ARHGAP29: variants seen among roughly 807,000 people sequenced by gnomAD.
The protein encoded by ARHGAP29 is rho GTPase-activating protein 29.
ARHGAP29 carries 43 observed loss-of-function variants against 122.6 expected under a neutral mutation model. The observed-to-expected ratio is 0.35, with a 90% CI of 0.27 to 0.45. The LOEUF (loss-of-function observed/expected upper bound fraction) is 0.45. Among genes scored for constraint, ARHGAP29 ranks in the 20% least tolerant of loss-of-function variants. The pLI is 1.00. For missense variants in ARHGAP29, 1,303 were observed against 1,477.2 expected (o/e 0.88, Z 1.93); for synonymous variants, 506 against 497.1 (o/e 1.02, Z -0.24).
chr1:94,240,132 T>A (rs888030317), upstream of ARHGAP29, among the ~76,000 whole-genome samples: 1 of 152,128 alleles, frequency 6.6e-6, no homozygotes, highest in Non-Finnish European at 1.5e-5. Flanking sequence ...AAACCAGAAC[T>A]ACCCCTAAAC....
chr1:94,211,836 A>G (rs1029246026), intron 3 of ARHGAP29, among the ~76,000 whole-genome samples: 1 of 152,154 alleles, frequency 6.6e-6, no homozygotes. Flanking sequence ...AAATGTGACA[A>G]GTTGGTGTGC....
chr1:94,252,247 G>A (rs1654125062), intron 1 of ARHGAP29, among the ~76,000 whole-genome samples: 1 of 152,144 alleles, frequency 6.6e-6, no homozygotes, highest in Non-Finnish European at 1.5e-5. Context: ...AGTAACTCAA[G>A]AATCTTACAT....
In ARHGAP29 at chr1:94,248,748, G is replaced by A. The variant is rs114370074; in HGVS notation, c.-32-17105C>T. Among the ~76,000 whole-genome samples the A allele has an allele frequency of 9.7e-3, 1,476 of 152,354 alleles. 25 individuals carry two copies. Among genetic ancestry groups the A allele is most frequent in the African/African-American group, 0.034 (1,414 of 41,586 alleles). On this transcript the variant is annotated intron_variant and NMD_transcript_variant, in intron 1 of 25. Coordinates refer to the ARHGAP29 transcript ENST00000552844. ...AGACAGGGCCTTGCTCTGTGCTCAG[G>A]CTGGAGTGCAGTGGCACAGTCATAG...
At chr1:94,177,162 A>G (rs1388054695) in intron 22 of ARHGAP29, 1 of 153,000 alleles carries the variant, frequency 6.5e-6, no homozygotes. Context: ...GGTTAAATGT[A>G]GGCCACAGGT....
upstream of ARHGAP29, chr1:94,237,705 T>A (rs1327336382): frequency 1.0e-6 from 1 of 984,930 alleles, no homozygotes; most frequent in Non-Finnish European, 1.2e-6. Context: ...CCGCGGCAGG[T>A]ACGGGAGGCA....
At chr1:94,274,912 A>G (rs1655126594) in intron 1 of ARHGAP29, 1 of 152,102 alleles carries the variant, frequency 6.6e-6, no homozygotes, top group Admixed American at 6.6e-5. Flanking sequence ...CAAATAAATC[A>G]CCAGTTCGTT....
In ARHGAP29 at chr1:94,179,741, T is replaced by C; in HGVS notation, c.2464A>G (p.Ile822Val). The change falls in exon 20 of 23, where the codon ATA becomes GTA. Residue 822 changes from isoleucine (I) to valine (V), a missense_variant. Physicochemically the swap from Ile to Val is conservative, Grantham distance 29. Transcript: ENST00000260526. The part of the protein sequence containing the change: ...ASNFNSLHFL[I>V]VHLKRVVDHA... ...AATTCTTACCGCTTTAGATGTACTATAAGGAAATGAAGACTGTTAAAATTT... is the reference window on the plus strand; with the variant it reads ...AATTCTTACCGCTTTAGATGTACTACAAGGAAATGAAGACTGTTAAAATTT... 6.2e-7 allele frequency: 1 copy of C among 1,609,026 alleles called. No individual in the cohort carries two copies.
upstream of ARHGAP29, among the ~76,000 whole-genome samples, chr1:94,240,079 G>C (rs12093742): frequency 0.87 from 132,275 of 152,070 alleles, 57,903 homozygotes; most frequent in Non-Finnish European, 0.92. Flanking sequence ...AGGAAGCAAA[G>C]TCTGTCCCTC....
chr1:94,272,914 G>A (rs1655045534), intron 1 of ARHGAP29, among the ~76,000 whole-genome samples: 1 of 152,156 alleles, frequency 6.6e-6, no homozygotes, highest in South Asian at 2.1e-4. Context: ...TGGAGTCGAA[G>A]ATAAAATTCC....
At chr1:94,196,573 T>C (rs997575370) in intron 12 of ARHGAP29, among the ~76,000 whole-genome samples, 5 of 152,178 alleles carry the variant, frequency 3.3e-5, no homozygotes, top group Non-Finnish European at 4.4e-5. Flanking sequence ...TGTTTTTCTT[T>C]TTAAATTTTA....
chr1:94,205,609 AAAGTTAT>A lies in ARHGAP29; in HGVS notation c.559+19_559+25del. 1 of 1,600,012 alleles carries A rather than the reference AAAGTTAT, an allele frequency of 6.2e-7. No individual in the cohort carries two copies. The highest frequency in any genetic ancestry group is 8.5e-7 in the Non-Finnish European group (1 of 1,173,974). ...GAAAGTAACTACAAGAAGTTTGTGAAAAGTTATAAACACCTTGAGCATTACCTTTTTC... is the reference window on the plus strand; with the variant it reads ...GAAAGTAACTACAAGAAGTTTGTGAAAAACACCTTGAGCATTACCTTTTTC... On this transcript the variant is annotated intron_variant, in intron 6 of 22. Transcript: ENST00000260526.
chr1:94,190,803 T>C (rs1557848232), intron 12 of ARHGAP29: 1 of 152,064 alleles, frequency 6.6e-6, no homozygotes. Flanking sequence ...CTCCTGAGGG[T>C]GGTACGCGAG....
intron 22 of ARHGAP29, 135 bp from the exon 23 acceptor site, chr1:94,174,884 A>G: frequency 1.0e-6 from 1 of 992,510 alleles, no homozygotes; most frequent in Middle Eastern, 2.8e-4. Context: ...TCAGTTACCT[A>G]TGTGGAGGAG....
At position 94,174,284 on chromosome 1, in the gene ARHGAP29, G is replaced by T. The variant is rs1570475544; in HGVS notation, c.3371C>A (p.Pro1124His). 2 of 1,614,026 alleles carry T rather than the reference G, an allele frequency of 1.2e-6. No individual in the cohort carries two copies. The highest frequency in any genetic ancestry group is 2.2e-5 in the South Asian group (2 of 91,082). The change falls in exon 23 of 23, where the codon CCC becomes CAC. Residue 1124 changes from proline to histidine, a missense_variant. Pro to His is a moderately conservative substitution (Grantham distance 77). This residue lies in a region of ARHGAP29 where 620 missense variants were observed against 651.2 expected (regional missense o/e 0.95). Transcript: ENST00000260526. ...GACTGGCTCTGCATATGGCTTACTG[G>T]GTTGAGTGGCATTGATAGAATGGTC... ...SGDHSINATQPSKPYAEPVRS... is the reference protein window; with the variant it reads ...SGDHSINATQHSKPYAEPVRS...
At chr1:94,291,152 G>A in the ARHGAP29 span, among the ~76,000 whole-genome samples, 1 of 152,162 alleles carries the variant, frequency 6.6e-6, no homozygotes, top group Non-Finnish European at 1.5e-5. Flanking sequence ...TTGTTGAATT[G>A]ATCCCTTTAC....
At chr1:94,247,801 C>T (rs1653879462) in intron 1 of ARHGAP29, 2 of 324,722 alleles carry the variant, frequency 6.2e-6, no homozygotes, top group Non-Finnish European at 8.9e-6. Context: ...AGCCCATTGG[C>T]CTGGCCCGCG....
At chr1:94,222,862 A>G (rs1652386117) in intron 2 of ARHGAP29, among the ~76,000 whole-genome samples, 1 of 152,208 alleles carries the variant, frequency 6.6e-6, no homozygotes, top group Non-Finnish European at 1.5e-5. Flanking sequence ...GTTCTAAAAA[A>G]TAAAAGTCTA....
intron 19 of ARHGAP29, 76 bp from the exon 20 acceptor site, chr1:94,180,033 G>C: frequency 1.0e-6 from 1 of 974,512 alleles, no homozygotes; most frequent in Non-Finnish European, 1.5e-6. Context: ...AACAGTTACA[G>C]AGTGATTTAG....
At chr1:94,193,965 T>C (rs974880008) in intron 12 of ARHGAP29, 1 of 152,208 alleles carries the variant, frequency 6.6e-6, no homozygotes, top group Non-Finnish European at 1.5e-5. Flanking sequence ...TCAACGTATA[T>C]GGATGTAATT....
Sources: gnomAD v4.1 joint callset for allele counts (sites outside exome capture counted in the v4.1 genomes callset) on GRCh38, gnomAD v4.1.1 for gene constraint, gnomAD v4.1.1 regional missense constraint, MANE v1.5 for transcripts, NCBI Gene and HGNC (gene_info 2026-07-23, HGNC 2026-07-21) for gene names.